The following ZBTB20 variants were observed in gnomAD, a reference collection of about 807,000 sequenced individuals.
ZBTB20 encodes the protein zinc finger and BTB domain containing 20.
In ZBTB20, 9 loss-of-function variants were observed where a neutral mutation model predicts 56.9. That is an observed-to-expected ratio of 0.16 (90% CI 0.10 to 0.28). ZBTB20 has a LOEUF of 0.28. Among genes scored for constraint, ZBTB20 ranks in the 10% least tolerant of loss-of-function variants. The probability of loss-of-function intolerance (pLI) is 1.00; values close to 1 mark genes in which losing one functional copy is unlikely to be tolerated. For missense variants in ZBTB20, 655 were observed against 1,003.0 expected, an observed-to-expected ratio of 0.65 and a Z score of 4.69; for synonymous variants, 417 against 420.7, an observed-to-expected ratio of 0.99 and a Z score of 0.11.
At chr3:114,960,548 G>A (rs1224923324) in intron 3 of ZBTB20, among the ~76,000 whole-genome samples, 2 of 152,180 alleles carry the variant, frequency 1.3e-5, no homozygotes. Context: ...TGAACAAAAA[G>A]TACCACATGA....
chr3:114,855,280 T>A (rs2075194953), intron 4 of ZBTB20, among the ~76,000 whole-genome samples: 1 of 152,218 alleles, frequency 6.6e-6, no homozygotes, highest in Non-Finnish European at 1.5e-5. Context: ...CTAGTATAGA[T>A]TGATTTTGTT....
intron 5 of ZBTB20, among the ~76,000 whole-genome samples, chr3:114,768,759 T>A (rs2068961763): frequency 6.6e-6 from 1 of 152,176 alleles, no homozygotes; most frequent in Admixed American, 6.6e-5. Context: ...AGAGATATCA[T>A]TATCCTTTTT....
chr3:114,904,501 T>C (rs2075247990), intron 3 of ZBTB20: 1 of 152,070 alleles, frequency 6.6e-6, no homozygotes, highest in South Asian at 2.1e-4. Flanking sequence ...TTATTTAATA[T>C]GTATTTAGTC....
intron 6 of ZBTB20, among the ~76,000 whole-genome samples, chr3:114,633,916 A>C (rs977648734): frequency 6.6e-6 from 1 of 152,214 alleles, no homozygotes; most frequent in East Asian, 1.9e-4. Context: ...AACATAAGGA[A>C]CTAGGATGTG....
chr3:114,752,686 A>G (rs552603054), intron 5 of ZBTB20, among the ~76,000 whole-genome samples: 1 of 152,326 alleles, frequency 6.6e-6, no homozygotes, highest in African/African-American at 2.4e-5. Flanking sequence ...AGTCTCAGTT[A>G]AAACATAACT....
chr3:114,785,885 T>C (rs954670286), intron 5 of ZBTB20, among the ~76,000 whole-genome samples: 3 of 152,202 alleles, frequency 2.0e-5, no homozygotes, highest in African/African-American at 7.2e-5. Context: ...CCATAAGTTA[T>C]TCATCTTATA....
At chr3:114,689,709 T>C (rs999085507) in intron 6 of ZBTB20, among the ~76,000 whole-genome samples, 1 of 152,146 alleles carries the variant, frequency 6.6e-6, no homozygotes. Context: ...ATATAATACA[T>C]AAGCTAGAAA....
chr3:114,976,525 C>T (rs763715052), intron 2 of ZBTB20, among the ~76,000 whole-genome samples: 17 of 151,790 alleles, frequency 1.1e-4, no homozygotes, highest in Non-Finnish European at 2.4e-4. Context: ...ACTCAGGAGG[C>T]TGAAGCAGGA....
intron 1 of ZBTB20, among the ~76,000 whole-genome samples, chr3:115,093,820 T>C (rs777838880): frequency 2.0e-5 from 3 of 152,192 alleles, no homozygotes; most frequent in Non-Finnish European, 4.4e-5. Context: ...TTTTCTTCTA[T>C]GATCTTCTTT....
At chr3:114,679,060 T>A (rs2061808698) in intron 6 of ZBTB20, among the ~76,000 whole-genome samples, 1 of 152,172 alleles carries the variant, frequency 6.6e-6, no homozygotes, top group Admixed American at 6.5e-5. Context: ...CAGGTGGTGT[T>A]GGGAAAACTG....
intron 2 of ZBTB20, among the ~76,000 whole-genome samples, chr3:115,011,007 T>C (rs114966422): frequency 1.2e-3 from 189 of 151,938 alleles, no homozygotes; most frequent in African/African-American, 3.9e-3. Context: ...ACAATTGGCC[T>C]ACTAAAGAAT....
intron 10 of ZBTB20, 46 bp downstream of exon 10, chr3:114,380,171 T>C: frequency 6.8e-7 from 1 of 1,466,486 alleles, no homozygotes; most frequent in South Asian, 1.4e-5. Context: ...GTAGAAGCAC[T>C]ACTCCAAGCA....
chr3:114,392,947 C>A (rs762644509), intron 7 of ZBTB20, among the ~76,000 whole-genome samples: 1 of 152,174 alleles, frequency 6.6e-6, no homozygotes, highest in African/African-American at 2.4e-5. Flanking sequence ...TATTACTTGG[C>A]CAGAAAAGCT....
intron 1 of ZBTB20, among the ~76,000 whole-genome samples, chr3:115,143,510 G>A (rs1003371238): frequency 4.6e-5 from 7 of 151,916 alleles, no homozygotes; most frequent in African/African-American, 1.5e-4. Context: ...CTCAAAAAAC[G>A]AAAAAGAAAC....
intron 10 of ZBTB20, among the ~76,000 whole-genome samples, chr3:114,379,648 T>C (rs1486662184): frequency 1.3e-5 from 2 of 152,236 alleles, no homozygotes; most frequent in Non-Finnish European, 2.9e-5. Flanking sequence ...TGGATTCTCA[T>C]TGGCTGTGTG....
chr3:114,854,754 G>C (rs1306671000), intron 4 of ZBTB20, among the ~76,000 whole-genome samples: 1 of 152,120 alleles, frequency 6.6e-6, no homozygotes, highest in Non-Finnish European at 1.5e-5. Context: ...CTTCTTAAAA[G>C]TATATTTTGC....
chr3:114,746,797 C>T (rs77293493), intron 5 of ZBTB20, among the ~76,000 whole-genome samples: 2,635 of 152,242 alleles, frequency 0.017, 25 homozygotes, highest in Non-Finnish European at 0.027. Context: ...GGGATTATAA[C>T]CATATCAGAA....
At chr3:114,737,880 C>T (rs1424251461) in intron 5 of ZBTB20, among the ~76,000 whole-genome samples, 1 of 152,108 alleles carries the variant, frequency 6.6e-6, no homozygotes, top group African/African-American at 2.4e-5. Context: ...TGTTTCAAAT[C>T]TCTATGTAGG....
At chr3:114,481,569 A>G (rs1406762632) in intron 7 of ZBTB20, among the ~76,000 whole-genome samples, 1 of 152,218 alleles carries the variant, frequency 6.6e-6, no homozygotes, top group Non-Finnish European at 1.5e-5. Flanking sequence ...CTTCTCTGAG[A>G]AACTCTATTT....
Sources: gnomAD v4.1 joint callset for allele counts (sites outside exome capture counted in the v4.1 genomes callset) on GRCh38, gnomAD v4.1.1 for gene constraint, MANE v1.5 for transcripts, NCBI Gene and HGNC (gene_info 2026-07-23, HGNC 2026-07-21) for gene names.